Variants in EVI5 observed in about 807,000 individuals in gnomAD.
EVI5 encodes ecotropic viral integration site 5.
A neutral mutation model predicts 112.0 loss-of-function variants in EVI5; 73 were observed. The observed-to-expected ratio is 0.65, with a 90% CI of 0.54 to 0.79. The LOEUF is 0.79. Ranked by LOEUF, EVI5 falls within the 30% of genes least tolerant of loss-of-function variation. The pLI is 0.00. For synonymous variants in EVI5, 305 were observed against 319.9 expected, an observed-to-expected ratio of 0.95 and a Z score of 0.50; for missense variants, 900 against 968.8, an observed-to-expected ratio of 0.93 and a Z score of 0.94.
intron 2 of EVI5, chr1:92,732,419 T>G: frequency 4.0e-6 from 1 of 252,402 alleles, no homozygotes; most frequent in Non-Finnish European, 7.8e-6. Context: ...GTGAAACAGC[T>G]GCAAAGGAAT....
intron 2 of EVI5, among the ~76,000 whole-genome samples, chr1:92,724,063 G>A (rs923762251): frequency 7.9e-5 from 12 of 152,118 alleles, no homozygotes; most frequent in Non-Finnish European, 1.5e-4. Flanking sequence ...TGCACAGTGG[G>A]ACATAGACCC....
At chr1:92,523,333 GCAACCA>G (rs1661280546) in intron 19 of EVI5, among the ~76,000 whole-genome samples, 1 of 151,522 alleles carries the variant, frequency 6.6e-6, no homozygotes, top group Non-Finnish European at 1.5e-5. Flanking sequence ...CCTCACCCTG[GCAACCA>G]TGGACTATTT....
chr1:92,597,155 G>C (rs1464706771), intron 18 of EVI5, among the ~76,000 whole-genome samples: 1 of 151,970 alleles, frequency 6.6e-6, no homozygotes, highest in Non-Finnish European at 1.5e-5. Flanking sequence ...GCAATTAGAA[G>C]AAAACAAAAA....
chr1:92,583,098 G>A (rs1331620693), intron 18 of EVI5, among the ~76,000 whole-genome samples: 1 of 152,018 alleles, frequency 6.6e-6, no homozygotes, highest in Non-Finnish European at 1.5e-5. Flanking sequence ...TTTTCACCTA[G>A]TATGTCTTGT....
At chr1:92,786,235 G>GA (rs33914637), upstream of EVI5, among the ~76,000 whole-genome samples, 199 of 139,814 alleles carry the variant, frequency 1.4e-3, 2 homozygotes, top group African/African-American at 2.0e-3. Flanking sequence ...AAGCATTTCA[G>GA]AAAAAAAAAA....
chr1:92,745,047 C>T (rs1242119686), intron 1 of EVI5, among the ~76,000 whole-genome samples: 5 of 151,820 alleles, frequency 3.3e-5, no homozygotes, highest in Admixed American at 1.3e-4. Flanking sequence ...CCTCCCACCT[C>T]AGCCTCCTGA....
intron 15 of EVI5, 41 bp downstream of exon 15, chr1:92,625,753 T>A (rs903521886): frequency 6.3e-7 from 1 of 1,587,944 alleles, no homozygotes; most frequent in Admixed American, 1.7e-5. Flanking sequence ...TATTTCGGTT[T>A]TACTCTCTTT....
intron 6 of EVI5, among the ~76,000 whole-genome samples, chr1:92,695,934 CTTT>C (rs1199108717): frequency 6.9e-6 from 1 of 144,426 alleles, no homozygotes. Flanking sequence ...ATAAATGAGA[CTTT>C]TTTTTTTTTT....
Position 92,663,456 on chromosome 1 carries a change from C to A in EVI5, c.1213-4G>T. On this transcript the variant is annotated splice_region_variant and splice_polypyrimidine_tract_variant and intron_variant, in intron 11 of 19. Coordinates refer to ENST00000684568, the MANE Select transcript of EVI5 (RefSeq NM_001350197.2). Reference sequence around the variant, plus strand: ...TATCTGCCAAGGAAGCACTTTCCTACAAAAGGAAAAATTCAGATAGAAATA... The same window carrying A: ...TATCTGCCAAGGAAGCACTTTCCTAAAAAAGGAAAAATTCAGATAGAAATA... 7.2e-7 allele frequency: 1 copy of A among 1,387,562 alleles called. No individual in the cohort carries two copies. Among genetic ancestry groups the A allele is most frequent in the Non-Finnish European group, 9.6e-7 (1 of 1,038,218 alleles). 86.0% of individuals were successfully genotyped at this position (1,387,562 alleles called of 1,614,324 possible).
At chr1:92,760,667 G>A (rs1570817216) in intron 1 of EVI5, among the ~76,000 whole-genome samples, 1 of 151,604 alleles carries the variant, frequency 6.6e-6, no homozygotes, top group African/African-American at 2.4e-5. Flanking sequence ...CCAGGAGGCG[G>A]AGGTTGCAGT....
chr1:92,699,247 T>C (rs1670762597), intron 5 of EVI5, among the ~76,000 whole-genome samples: 1 of 152,180 alleles, frequency 6.6e-6, no homozygotes, highest in Non-Finnish European at 1.5e-5. Context: ...CACTGAATTA[T>C]GTCAGTCACT....
rs761626688 is a variant in EVI5 at position 92,576,148 on chromosome 1, C to T, written c.2071-12411G>A. On this transcript the variant is annotated intron_variant, in intron 18 of 19. Coordinates refer to ENST00000684568, the MANE Select transcript of EVI5 (RefSeq NM_001350197.2). ...GGACTCAGAAAACATAGGAACAGTG[C>T]TAAAAGACACTGGTAAATATGTATG... Among the ~76,000 whole-genome samples the T allele has an allele frequency of 7.4e-4, 112 of 152,088 alleles. 1 individual carries two copies. The highest frequency in any genetic ancestry group is 1.1e-3 in the Non-Finnish European group (78 of 67,978).
chr1:92,681,731 C>T (rs540660127), intron 9 of EVI5, among the ~76,000 whole-genome samples: 41 of 152,198 alleles, frequency 2.7e-4, no homozygotes, highest in Non-Finnish European at 3.1e-4. Context: ...TTGACAATGA[C>T]GAAAACGTGC....
At chr1:92,554,843 C>G (rs1667449779) in intron 19 of EVI5, among the ~76,000 whole-genome samples, 1 of 152,006 alleles carries the variant, frequency 6.6e-6, no homozygotes, top group Non-Finnish European at 1.5e-5. Flanking sequence ...AACCCAGGTG[C>G]AGTCTCGCAC....
rs903446033 is a variant in EVI5 at position 92,687,889 on chromosome 1, A to G, written c.1097+5913T>C. On this transcript the variant is annotated intron_variant, in intron 9 of 19. Transcript: ENST00000684568. Reference sequence around the variant, plus strand: ...TCATTAAAAAGTCAGGAAACAACAGATGCTGGAGAGGATGTGAAGAAATAG... The same window carrying G: ...TCATTAAAAAGTCAGGAAACAACAGGTGCTGGAGAGGATGTGAAGAAATAG... 3.3e-5 allele frequency among the ~76,000 whole-genome samples: 5 copies of G among 152,240 alleles called. No homozygotes were observed. In the South Asian group the frequency reaches 6.2e-4, roughly 19 times the overall value.
intron 18 of EVI5, among the ~76,000 whole-genome samples, chr1:92,589,642 T>C (rs1233314248): frequency 1.3e-5 from 2 of 152,288 alleles, no homozygotes; most frequent in East Asian, 1.9e-4. Context: ...TGGAGCCCAC[T>C]GCAGCTCAAG....
chr1:92,756,740 A>G, intron 1 of EVI5: 1 of 489,320 alleles, frequency 2.0e-6, no homozygotes, highest in Non-Finnish European at 4.2e-6. Context: ...TGTTGTTAGC[A>G]GATGGTATCT....
chr1:92,642,829 C>A (rs1042206100), intron 13 of EVI5, among the ~76,000 whole-genome samples: 1 of 152,070 alleles, frequency 6.6e-6, no homozygotes, highest in African/African-American at 2.4e-5. Flanking sequence ...GTATGAAGGT[C>A]CCAATAACTT....
intron 1 of EVI5, among the ~76,000 whole-genome samples, chr1:92,743,182 G>A (rs200827540): frequency 8.2e-4 from 125 of 152,144 alleles, no homozygotes; most frequent in African/African-American, 2.7e-3. Context: ...GCAAAACCCC[G>A]TGTCTACTAA....
Sources: gnomAD v4.1 joint callset for allele counts (sites outside exome capture counted in the v4.1 genomes callset) on GRCh38, gnomAD v4.1.1 for gene constraint, MANE v1.5 for transcripts, NCBI Gene and HGNC (gene_info 2026-07-23, HGNC 2026-07-21) for gene names.